Variants in CDK20 observed in about 807,000 individuals in gnomAD.
CDK20 encodes the protein cyclin-dependent kinase 20.
In CDK20, 40 loss-of-function variants were observed where a neutral mutation model predicts 38.6. The ratio of observed to expected loss-of-function variants is 1.04; its 90% confidence interval spans 0.81 to 1.35. The LOEUF is 1.35. Among genes scored for constraint, CDK20 ranks in the 40% most tolerant of loss-of-function variants. The pLI is 0.00. For synonymous variants in CDK20, 209 were observed against 185.7 expected, an observed-to-expected ratio of 1.13 and a Z score of -1.02; for missense variants, 512 against 452.6, an observed-to-expected ratio of 1.13 and a Z score of -1.19.
rs200638719 is a variant in CDK20 at position 87,973,907 on chromosome 9, C to A, written c.189+15G>T. 20 of 1,610,872 alleles carry A rather than the reference C, an allele frequency of 1.2e-5. No individual in the cohort carries two copies. The highest frequency in any genetic ancestry group is 2.7e-5 in the African/African-American group (2 of 74,842). On this transcript the variant is annotated intron_variant, in intron 2 of 7. Coordinates refer to ENST00000325303, the MANE Select transcript of CDK20 (RefSeq NM_001039803.3). ...ACTGAGGGTGAGAATACCATGCCCC[C>A]CCTCCCCTACTCACATACTGATTGT... is the stretch of plus-strand genomic sequence containing the variant.
intron 5 of CDK20, 48 bp from the exon 6 acceptor site, chr9:87,969,967 C>G (rs778047901): frequency 1.3e-6 from 2 of 1,513,812 alleles, no homozygotes; most frequent in African/African-American, 2.8e-5. Context: ...CACCATGGAC[C>G]ACAGACCCAC....
chr9:87,967,128 G>C lies in CDK20; in HGVS notation c.*334C>G. On this transcript the variant is annotated 3_prime_UTR_variant, in exon 8 of 8. Coordinates refer to ENST00000325303, the MANE Select transcript of CDK20 (RefSeq NM_001039803.3). ...TGACCAGGAGGCAGCACTCGGGGAA[G>C]CAGCACCAAGGCAGGCATCGTCATT... 1.7e-6 allele frequency: 1 copy of C among 589,730 alleles called. No homozygotes were observed. Among genetic ancestry groups the C allele is most frequent in the Non-Finnish European group, 3.3e-6 (1 of 306,110 alleles). 36.5% of individuals were successfully genotyped at this position (589,730 alleles called of 1,614,324 possible).
In CDK20 at chr9:87,966,530, C is replaced by G. The variant is rs1368699663; in HGVS notation, c.*932G>C. 6.4e-6 allele frequency: 1 copy of G among 156,770 alleles called. No individual in the cohort carries two copies. The highest frequency in any genetic ancestry group is 1.4e-5 in the Non-Finnish European group (1 of 70,652). The allele number at this position is 156,770 out of a possible 1,614,324, so 9.7% of individuals were successfully genotyped here. On this transcript the variant is annotated 3_prime_UTR_variant, in exon 8 of 8. Coordinates refer to ENST00000325303, the MANE Select transcript of CDK20 (RefSeq NM_001039803.3). ...ATACCGTAAGTCCTTCCATCATTTC[C>G]TCTTCTGCATCTGGTTCCACTTCCT...
intron 3 of CDK20, 120 bp downstream of exon 3, chr9:87,971,027 T>TA (rs1486013191): frequency 6.7e-7 from 1 of 1,489,696 alleles, no homozygotes; most frequent in East Asian, 2.3e-5. Flanking sequence ...CCTGGCCACT[T>TA]ACCTGGAGGC....
chr9:87,974,528 TCGCACGCTGTTGCCTAG>T, exon 1 of CDK20: 1 of 1,285,602 alleles, frequency 7.8e-7, no homozygotes, highest in African/African-American at 1.5e-5. Context: ...TGATCTGAGC[TCGCACGCTGTTGCCTAG>T]CAACAGCGCG....
rs113461285 is a variant in CDK20, at chr9:87,969,820, G to A, written c.663C>T (p.Gly221=). 7 of 1,613,742 alleles carry A rather than the reference G, an allele frequency of 4.3e-6. No individual in the cohort carries two copies. The African/African-American group carries it at 6.7e-5, about 15-fold the overall frequency. The part of the protein sequence containing the change: ...EQLCYVLRIL[G]TPNPQVWPEL... The stretch of plus-strand genomic sequence containing the variant: ...CCGGCCAGACTTGAGGGTTTGGGGT[G>A]CCCAAGATGCGAAGCACATAGCAAA... Residue 221 remains glycine (G), a synonymous_variant, in exon 6 of 8, where the codon GGC becomes GGT. Transcript: ENST00000325303.
rs1330317886 is a variant in CDK20, at chr9:87,971,142, C to G, written c.378+5G>C. 6.2e-7 allele frequency: 1 copy of G among 1,612,704 alleles called. No homozygotes were observed. Among genetic ancestry groups the G allele is most frequent in the African/African-American group, 1.3e-5 (1 of 74,928 alleles). On this transcript the variant is annotated splice_donor_5th_base_variant and intron_variant, in intron 3 of 7. Coordinates refer to ENST00000325303, the MANE Select transcript of CDK20 (RefSeq NM_001039803.3). ...ACCCCATGCCCGGCCTATGCTGAGA[C>G]TGACCCGATGTACAATGTTGTTGGC... is the stretch of plus-strand genomic sequence containing the variant.
At chr9:87,973,547 T>C (rs1326197202) in intron 2 of CDK20, among the ~76,000 whole-genome samples, 1 of 152,030 alleles carries the variant, frequency 6.6e-6, no homozygotes, top group Non-Finnish European at 1.5e-5. Flanking sequence ...CCTTGTACAG[T>C]AGTAAAGAGG....
chr9:87,971,599 C>T (rs555453923), intron 2 of CDK20, among the ~76,000 whole-genome samples: 65 of 152,270 alleles, frequency 4.3e-4, no homozygotes, highest in African/African-American at 1.2e-3. Context: ...CCATCTGGTC[C>T]GCCCACCCAG....
chr9:87,974,293 A>C, intron 1 of CDK20, 79 bp downstream of exon 1: 2 of 1,453,848 alleles, frequency 1.4e-6, no homozygotes, highest in Non-Finnish European at 9.5e-7. Context: ...TAAAAAGGGA[A>C]CCGAAACAGT....
rs776508570 is a variant in CDK20 at position 87,969,910 on chromosome 9, G to T, written c.573C>A (p.Gly191=). The change falls in exon 6 of 8, where the codon GGC becomes GGA. Residue 191 remains glycine, a synonymous_variant. Coordinates refer to ENST00000325303, the MANE Select transcript of CDK20 (RefSeq NM_001039803.3). ...CATTCAACAGCTCCCCCATGATGCA[G>T]CCCACAGACCTGTGGACACAGAGCC... ...YDQGVDLWSV[G]CIMGELLNGS... is the part of the protein sequence containing the mutation. 10 of 1,579,768 alleles carry T rather than the reference G, an allele frequency of 6.3e-6. No homozygotes were observed. The South Asian group carries it at 1.1e-4, about 17-fold the overall frequency.
chr9:87,970,884 G>A lies in CDK20; in HGVS notation c.392C>T (p.Ala131Val), dbSNP rs1829804517. 6.2e-7 allele frequency: 1 copy of A among 1,614,056 alleles called. No individual in the cohort carries two copies. The highest frequency in any genetic ancestry group is 8.5e-7 in the Non-Finnish European group (1 of 1,180,042). Residue 131 changes from alanine (A) to valine (V), a missense_variant, in exon 4 of 8, where the codon GCC (alanine) becomes GTC (valine). Coordinates refer to ENST00000325303, the MANE Select transcript of CDK20 (RefSeq NM_001039803.3). ...GCCTGAGGCGCTGATGAGCAGGTTG[G>A]CAGGTTTCAGGTCCTGGGAGTACCA... Reference protein sequence around the residue: ...NNIVHRDLKPANLLISASGQL... With the variant: ...NNIVHRDLKPVNLLISASGQL...
intron 7 of CDK20, chr9:87,967,920 T>C: frequency 2.6e-6 from 1 of 387,476 alleles, no homozygotes; most frequent in East Asian, 4.3e-5. Context: ...TGTCAGATAA[T>C]GATTAGTGCA....
chr9:87,967,871 G>GT (rs1419586802), intron 7 of CDK20: 16 of 524,074 alleles, frequency 3.1e-5, no homozygotes, highest in Non-Finnish European at 4.7e-5. Flanking sequence ...ATAAGTGAGG[G>GT]TGGGGGGTAA....
chr9:87,973,280 A>G (rs898623219), intron 2 of CDK20, among the ~76,000 whole-genome samples: 1 of 152,150 alleles, frequency 6.6e-6, no homozygotes. Flanking sequence ...CCGGTACCCT[A>G]TCACAGCACG....
rs759198707 is a variant in CDK20, at chr9:87,974,489, C to A, written c.-43G>T. 1 of 1,561,620 alleles carries A rather than the reference C, an allele frequency of 6.4e-7. No homozygotes were observed. The highest frequency in any genetic ancestry group is 8.7e-7 in the Non-Finnish European group (1 of 1,145,004). Reference sequence around the variant, plus strand: ...CCTGTGCCCCTGTGCCCCTGAACTTCCAAACTCCACTTCTCCTCCACCCCA... The same window carrying A: ...CCTGTGCCCCTGTGCCCCTGAACTTACAAACTCCACTTCTCCTCCACCCCA... On this transcript the variant is annotated 5_prime_UTR_variant, in exon 1 of 8. Transcript: ENST00000325303.
chr9:87,967,414 G>A lies in CDK20; in HGVS notation c.*48C>T, dbSNP rs1482135850. 3.3e-6 allele frequency: 5 copies of A among 1,536,830 alleles called. No homozygotes were observed. Among genetic ancestry groups the A allele is most frequent in the Admixed American group, 3.9e-5 (2 of 50,976 alleles). The stretch of plus-strand genomic sequence containing the variant: ...CCAGGCAGGTGGCAGAGGAACAGGT[G>A]GACTGAGTGGTCCTGAGGAGCAGGC... On this transcript the variant is annotated 3_prime_UTR_variant, in exon 8 of 8. Transcript: ENST00000325303.
At chr9:87,974,200 G>T in intron 1 of CDK20, 165 bp from the exon 2 acceptor site, 1 of 1,320,996 alleles carries the variant, frequency 7.6e-7, no homozygotes, top group South Asian at 1.3e-5. Flanking sequence ...TGGGGTAGGG[G>T]ACCAAGCCAG....
intron 1 of CDK20, 145 bp downstream of exon 1, chr9:87,974,227 G>T: frequency 8.2e-7 from 1 of 1,219,604 alleles, no homozygotes; most frequent in Non-Finnish European, 1.1e-6. Context: ...GGAGGGAAGC[G>T]CAACGGCCCA....
Sources: allele counts gnomAD v4.1 joint callset (sites outside exome capture counted in the v4.1 genomes callset), GRCh38; gene constraint gnomAD v4.1.1; transcripts MANE v1.5; gene names NCBI Gene and HGNC (gene_info 2026-07-23, HGNC 2026-07-21).